Variants in TTC23L observed in about 807,000 individuals in gnomAD.
TTC23L encodes tetratricopeptide repeat domain 23 like.
Under a neutral mutation model 48.1 loss-of-function variants are expected in TTC23L, and 42 were observed. That is an observed-to-expected ratio of 0.87 (90% CI 0.68 to 1.13). The LOEUF (loss-of-function observed/expected upper bound fraction) is 1.13, where lower values mean the gene tolerates loss of function less well. Ranked by LOEUF, TTC23L falls within the 50% of genes most tolerant of loss-of-function variation. The pLI is 0.00. For synonymous variants in TTC23L, 159 were observed against 157.2 expected (o/e 1.01, Z -0.09); for missense variants, 391 against 421.0 (o/e 0.93, Z 0.62).
chr5:34,918,391 C>T, the TTC23L span: 1 of 1,578,594 alleles, frequency 6.3e-7, no homozygotes, highest in Non-Finnish European at 8.7e-7. Flanking sequence ...GGAACGGATT[C>T]TCATCTTTTC....
intron 2 of TTC23L, among the ~76,000 whole-genome samples, chr5:34,843,782 A>G (rs538209394): frequency 3.3e-5 from 5 of 152,164 alleles, no homozygotes; most frequent in Admixed American, 6.5e-5. Context: ...TTTTTCAAAC[A>G]TTCTAAAGAC....
the TTC23L span, chr5:34,906,979 C>T: frequency 6.6e-6 from 1 of 152,094 alleles, no homozygotes. Context: ...TTCTTGAATA[C>T]AAACATTTTA....
the TTC23L span, chr5:34,911,609 C>T: frequency 2.0e-5 from 32 of 1,614,042 alleles, no homozygotes; most frequent in Admixed American, 5.3e-4. Context: ...CTCGTCATAT[C>T]CAATTCAGAA....
chr5:34,924,072 A>T, the TTC23L span, among the ~76,000 whole-genome samples: 1 of 152,232 alleles, frequency 6.6e-6, no homozygotes, highest in Non-Finnish European at 1.5e-5. Flanking sequence ...AGACCTAGCA[A>T]AATGTAATTG....
intron 4 of TTC23L, among the ~76,000 whole-genome samples, chr5:34,855,007 G>A (rs1760006335): frequency 6.6e-6 from 1 of 152,166 alleles, no homozygotes; most frequent in African/African-American, 2.4e-5. Context: ...AAGGAGTAGG[G>A]TTTGGGTAGG....
intron 9 of TTC23L, among the ~76,000 whole-genome samples, chr5:34,896,150 G>A (rs1022238944): frequency 1.5e-4 from 23 of 152,128 alleles, no homozygotes; most frequent in Non-Finnish European, 1.5e-5. Flanking sequence ...GGGGAACAAG[G>A]GCTGCTAAGC....
intron 4 of TTC23L, among the ~76,000 whole-genome samples, chr5:34,853,641 G>A (rs527797089): frequency 6.6e-6 from 1 of 152,254 alleles, no homozygotes; most frequent in South Asian, 2.1e-4. Flanking sequence ...GACTCAGGAG[G>A]ACCCGTGTCA....
the TTC23L span, chr5:34,908,661 C>A: frequency 2.8e-6 from 3 of 1,086,476 alleles, no homozygotes; most frequent in Non-Finnish European, 4.0e-6. Context: ...CATTGTGCTT[C>A]TTCTCTATAG....
chr5:34,856,123 G>C (rs1194041686), intron 4 of TTC23L, among the ~76,000 whole-genome samples: 1 of 152,180 alleles, frequency 6.6e-6, no homozygotes, highest in Non-Finnish European at 1.5e-5. Context: ...TCAGAGAGAA[G>C]TAGGTCAGAA....
intron 9 of TTC23L, among the ~76,000 whole-genome samples, chr5:34,881,510 G>A (rs558869401): frequency 6.6e-6 from 1 of 152,266 alleles, no homozygotes; most frequent in African/African-American, 2.4e-5. Context: ...AGAAGAGTGA[G>A]AAATATGGAT....
intron 2 of TTC23L, among the ~76,000 whole-genome samples, chr5:34,841,232 GAGTT>G (rs1305380639): frequency 1.3e-5 from 2 of 152,146 alleles, no homozygotes; most frequent in Non-Finnish European, 2.9e-5. Flanking sequence ...AAATTGTAGA[GAGTT>G]AGCTATAACA....
intron 4 of TTC23L, among the ~76,000 whole-genome samples, chr5:34,853,768 C>T (rs1047402551): frequency 3.9e-5 from 6 of 152,078 alleles, no homozygotes; most frequent in African/African-American, 7.2e-5. Context: ...ATGGATTTGG[C>T]GGTTGGTAGG....
intron 9 of TTC23L, among the ~76,000 whole-genome samples, chr5:34,881,824 C>T (rs1762243897): frequency 6.7e-6 from 1 of 149,444 alleles, no homozygotes; most frequent in Non-Finnish European, 1.5e-5. Flanking sequence ...AATGCAGTGG[C>T]ATGATCTCAG....
intron 4 of TTC23L, among the ~76,000 whole-genome samples, chr5:34,862,688 C>T (rs945942424): frequency 6.6e-6 from 1 of 152,060 alleles, no homozygotes; most frequent in Non-Finnish European, 1.5e-5. Flanking sequence ...TCTAGAGATT[C>T]CCCACTCAGT....
chr5:34,914,914 C>A, the TTC23L span: 1 of 1,613,198 alleles, frequency 6.2e-7, no homozygotes, highest in African/African-American at 1.3e-5. Flanking sequence ...CATTCGGCCC[C>A]GAGGGATGCT....
At chr5:34,911,744 C>T in the TTC23L span, 1 of 1,614,164 alleles carries the variant, frequency 6.2e-7, no homozygotes, top group Non-Finnish European at 8.5e-7. Flanking sequence ...ACCACTCCTC[C>T]TTCTTCCAGG....
chr5:34,839,947 G>A (rs548446764), intron 1 of TTC23L, among the ~76,000 whole-genome samples: 152 of 152,180 alleles, frequency 1.0e-3, no homozygotes, highest in South Asian at 9.1e-3. Flanking sequence ...TCGCTCTGTC[G>A]CCCAGGCTGG....
intron 9 of TTC23L, among the ~76,000 whole-genome samples, chr5:34,882,618 T>TACACACACACAC (rs146120966): frequency 0.025 from 3,482 of 140,882 alleles, 74 homozygotes; most frequent in Non-Finnish European, 0.035. Flanking sequence ...TCCCATGGAC[T>TACACACACACAC]ACACACACAC....
chr5:34,889,387 G>C (rs961576829), intron 9 of TTC23L, among the ~76,000 whole-genome samples: 2 of 152,174 alleles, frequency 1.3e-5, no homozygotes, highest in African/African-American at 4.8e-5. Flanking sequence ...GTGCATTGCT[G>C]CTGAGAGTTA....
Sources: allele counts gnomAD v4.1 joint callset (sites outside exome capture counted in the v4.1 genomes callset), GRCh38; gene constraint gnomAD v4.1.1; transcripts MANE v1.5; gene names NCBI Gene and HGNC (gene_info 2026-07-23, HGNC 2026-07-21).